Variants in MICAL2 observed in about 807,000 individuals in gnomAD.
MICAL2 encodes the protein microtubule associated monooxygenase, calponin and LIM domain containing 2.
In MICAL2, 77 loss-of-function variants were observed where a neutral mutation model predicts 127.3. The ratio of observed to expected loss-of-function variants is 0.60; its 90% CI spans 0.50 to 0.73. The LOEUF (loss-of-function observed/expected upper bound fraction) is 0.73. Among genes scored for constraint, MICAL2 ranks in the 30% least tolerant of loss-of-function variants. MICAL2 has a pLI of 0.00. For synonymous variants in MICAL2, 570 were observed against 551.1 expected, an observed-to-expected ratio of 1.03 and a Z score of -0.48; for missense variants, 1,351 against 1,434.4, an observed-to-expected ratio of 0.94 and a Z score of 0.94.
chr11:12,186,228 CA>C (rs1337910443), intron 3 of MICAL2, among the ~76,000 whole-genome samples: 1 of 152,218 alleles, frequency 6.6e-6, no homozygotes, highest in Non-Finnish European at 1.5e-5. Flanking sequence ...AGGAATGAAG[CA>C]AAGGTTAGAC....
intron 32 of MICAL2, among the ~76,000 whole-genome samples, chr11:12,346,646 C>T (rs1223246015): frequency 6.6e-6 from 1 of 152,184 alleles, no homozygotes; most frequent in African/African-American, 2.4e-5. Flanking sequence ...TTTCTCCACA[C>T]ACAATTAATT....
rs1208687230 is a variant in MICAL2 at position 12,224,708 on chromosome 11, T to G, written c.1576T>G (p.Cys526Gly). The G allele has an allele frequency of 6.2e-7, 1 of 1,614,182 alleles. No homozygotes were observed. The highest frequency in any genetic ancestry group is 1.7e-5 in the Admixed American group (1 of 60,034). The change falls in exon 13 of 28, where the codon TGC becomes GGC. Residue 526 changes from cysteine (C) to glycine (G), a missense_variant. Coordinates refer to ENST00000683283, the MANE Select transcript of MICAL2 (RefSeq NM_001282663.2). ...CCGGCCCAGCAAGCTCCTGACCTGG[T>G]GCCAGCAGCAGACAGAGGGCTACCA... ...DIRPSKLLTW[C>G]QQQTEGYQHV...
downstream of MICAL2, chr11:12,294,924 G>T (rs369683984): frequency 1.6e-3 from 2,153 of 1,379,080 alleles, 12 homozygotes; most frequent in South Asian, 0.012. Context: ...TCATTGCATC[G>T]ACAAGCAGGC....
At chr11:12,276,026 G>T (rs1863719210), upstream of MICAL2, 8 of 399,182 alleles carry the variant, frequency 2.0e-5, no homozygotes, top group Non-Finnish European at 3.5e-5. Flanking sequence ...GCATCTCTGA[G>T]CCACAGCACA....
rs570590146 is a variant in MICAL2 at position 12,119,066 on chromosome 11, C to T, written c.-149+8340C>T. On this transcript the variant is annotated intron_variant, in intron 1 of 27. Coordinates refer to ENST00000683283, the MANE Select transcript of MICAL2 (RefSeq NM_001282663.2). ...ACTTCCTCCTCCTGTAGGGAGCCAA[C>T]CTCCATCCTTCCCAGCCACTGGATA... Among the ~76,000 whole-genome samples the T allele has an allele frequency of 1.4e-4, 22 of 152,254 alleles. No individual in the cohort carries two copies. In the South Asian group the frequency reaches 4.6e-3, roughly 32 times the overall value.
rs111291949 is a variant in MICAL2 at position 12,223,373 on chromosome 11, G to C, written c.1450-38G>C. The C allele has an allele frequency of 3.5e-5, 56 of 1,581,420 alleles. No homozygotes were observed. In the African/African-American group the frequency reaches 5.8e-4, roughly 16 times the overall value. Reference sequence around the variant, plus strand: ...AGGGGCCCTGAGACTAGGATTTGGGGGAAAACTGGTGGGCAAGCATGTCTC... The same window carrying C: ...AGGGGCCCTGAGACTAGGATTTGGGCGAAAACTGGTGGGCAAGCATGTCTC... On this transcript the variant is annotated intron_variant, in intron 11 of 27. Transcript: ENST00000683283.
chr11:12,350,166 G>C (rs1421022278), intron 33 of MICAL2, among the ~76,000 whole-genome samples: 2 of 152,150 alleles, frequency 1.3e-5, no homozygotes, highest in Non-Finnish European at 2.9e-5. Context: ...ATAGGTTTTG[G>C]GTAATGGGTC....
chr11:12,128,165 T>A (rs777605700), intron 1 of MICAL2, among the ~76,000 whole-genome samples: 2 of 152,220 alleles, frequency 1.3e-5, no homozygotes, highest in Non-Finnish European at 2.9e-5. Context: ...TCATCCATGT[T>A]GTGGGTGTAG....
At chr11:12,241,244 C>CA (rs1430305447) in intron 18 of MICAL2, 82 bp downstream of exon 18, 10 of 1,520,002 alleles carry the variant, frequency 6.6e-6, no homozygotes, top group Non-Finnish European at 8.9e-6. Context: ...TGGCTCTTCC[C>CA]ACACCCCAAG....
intron 2 of MICAL2, among the ~76,000 whole-genome samples, chr11:12,144,600 C>T (rs1169899990): frequency 1.3e-5 from 2 of 152,154 alleles, no homozygotes; most frequent in Non-Finnish European, 2.9e-5. Context: ...TAGTGAATTG[C>T]TCACAACCAT....
intron 1 of MICAL2, among the ~76,000 whole-genome samples, chr11:12,114,943 C>T (rs1849888920): frequency 6.6e-6 from 1 of 152,094 alleles, no homozygotes; most frequent in Admixed American, 6.6e-5. Context: ...CACTTCTGTC[C>T]AAGCTTTGAA....
At chr11:12,224,866 G>A in intron 13 of MICAL2, 46 bp downstream of exon 13, 1 of 1,581,044 alleles carries the variant, frequency 6.3e-7, no homozygotes, top group Non-Finnish European at 8.7e-7. Flanking sequence ...GGGATGCCAA[G>A]GCCATTCTGC....
chr11:12,319,914 G>A (rs944855071), intron 30 of MICAL2: 3 of 809,110 alleles, frequency 3.7e-6, no homozygotes, highest in Non-Finnish European at 6.3e-6. Context: ...GTTTCCTTAG[G>A]AGGATCATGT....
intron 32 of MICAL2, among the ~76,000 whole-genome samples, chr11:12,336,092 A>G (rs983527821): frequency 5.3e-5 from 8 of 152,216 alleles, no homozygotes; most frequent in Non-Finnish European, 1.0e-4. Flanking sequence ...TGAGCATGGA[A>G]CGTTCTTCCA....
intron 3 of MICAL2, among the ~76,000 whole-genome samples, chr11:12,190,006 G>T (rs537371168): frequency 6.6e-6 from 1 of 152,322 alleles, no homozygotes; most frequent in Admixed American, 6.5e-5. Context: ...AGACACTTTG[G>T]TCTGTTCACA....
chr11:12,292,209 C>T (rs1863913180), downstream of MICAL2: 1 of 1,613,928 alleles, frequency 6.2e-7, no homozygotes, highest in African/African-American at 1.3e-5. Flanking sequence ...CTTCCTCTTC[C>T]TTCATCGTCT....
At chr11:12,228,955 C>G (rs969893761) in intron 15 of MICAL2, among the ~76,000 whole-genome samples, 5 of 152,044 alleles carry the variant, frequency 3.3e-5, no homozygotes, top group Non-Finnish European at 5.9e-5. Context: ...AAGTACCTGC[C>G]CAGAGCTTGC....
rs750306542 is a variant in MICAL2 at position 12,349,912 on chromosome 11, C to A, written c.5590C>A (p.Arg1864=). The A allele has an allele frequency of 6.8e-6, 11 of 1,613,754 alleles. No homozygotes were observed. In the African/African-American group the frequency reaches 1.1e-4, roughly 16 times the overall value. ...GGTTCTGGAGAAGAATAAATTAATG[C>A]GATATGAGTCGGAGCTCCTAATCAT... The change falls in exon 33 of 35, where the codon CGA becomes AGA. Residue 1864 remains arginine (R), a synonymous_variant. Coordinates refer to the MICAL2 transcript ENST00000646065.
intron 1 of MICAL2, chr11:12,280,883 C>T: frequency 2.5e-6 from 1 of 398,748 alleles, no homozygotes; most frequent in Non-Finnish European, 4.4e-6. Context: ...TGTGTTGGGG[C>T]ATGGGTTCCA....
Sources: gnomAD v4.1 joint callset for allele counts (sites outside exome capture counted in the v4.1 genomes callset) on GRCh38, gnomAD v4.1.1 for gene constraint, MANE v1.5 for transcripts, NCBI Gene and HGNC (gene_info 2026-07-23, HGNC 2026-07-21) for gene names.